MCF2L2: variants seen among roughly 807,000 people sequenced by gnomAD.
MCF2L2 encodes probable guanine nucleotide exchange factor MCF2L2.
MCF2L2 carries 102 observed loss-of-function variants against 150.2 expected under a neutral mutation model. That is an observed-to-expected ratio of 0.68 (90% CI 0.58 to 0.80). MCF2L2 has a LOEUF of 0.80. MCF2L2 is among the 30% of genes least tolerant of loss of function. The pLI, the probability that MCF2L2 is intolerant of heterozygous loss-of-function variation, is 0.00. For synonymous variants in MCF2L2, 465 were observed against 491.3 expected (o/e 0.95, Z 0.71); for missense variants, 1,256 against 1,372.8 (o/e 0.91, Z 1.34).
At chr3:183,418,066 T>C (rs1299674756) in intron 1 of MCF2L2, among the ~76,000 whole-genome samples, 1 of 152,102 alleles carries the variant, frequency 6.6e-6, no homozygotes, top group African/African-American at 2.4e-5. Context: ...TGCGCACCTA[T>C]AGTCCCAGCT....
chr3:183,182,305 C>T (rs889900689), intron 27 of MCF2L2, among the ~76,000 whole-genome samples: 49 of 151,972 alleles, frequency 3.2e-4, no homozygotes, highest in Non-Finnish European at 4.7e-4. Flanking sequence ...CCAGTGACAG[C>T]AGGAGCTCCG....
chr3:183,340,832 A>G (rs940793941), intron 4 of MCF2L2, among the ~76,000 whole-genome samples: 2 of 152,176 alleles, frequency 1.3e-5, no homozygotes, highest in African/African-American at 4.8e-5. Context: ...AATCTCAGCT[A>G]CTTGGGAGGC....
At chr3:183,339,757 T>C (rs978455006) in intron 4 of MCF2L2, among the ~76,000 whole-genome samples, 4 of 152,006 alleles carry the variant, frequency 2.6e-5, no homozygotes, top group South Asian at 2.1e-4. Context: ...CAACCTCCTA[T>C]GGGGATTTTT....
chr3:183,185,167 C>T (rs948964267), intron 27 of MCF2L2, among the ~76,000 whole-genome samples: 6 of 152,242 alleles, frequency 3.9e-5, no homozygotes, highest in African/African-American at 1.2e-4. Flanking sequence ...ATCCGCCCAC[C>T]TTGGCCTTCC....
intron 5 of MCF2L2, among the ~76,000 whole-genome samples, chr3:183,326,765 G>T (rs1426596328): frequency 1.3e-5 from 2 of 151,960 alleles, no homozygotes; most frequent in African/African-American, 4.8e-5. Context: ...GTACCCACCA[G>T]TACAAGCAAG....
chr3:183,294,555 G>GTA (rs1341537515), intron 13 of MCF2L2, among the ~76,000 whole-genome samples: 14 of 147,916 alleles, frequency 9.5e-5, no homozygotes, highest in African/African-American at 3.5e-4. Flanking sequence ...ATATGTATGT[G>GTA]TGTGTGTGTG....
chr3:183,278,113 G>A (rs181954041), intron 14 of MCF2L2, among the ~76,000 whole-genome samples: 3,895 of 151,672 alleles, frequency 0.026, 174 homozygotes, highest in African/African-American at 0.087. Context: ...GAGCCTGGGA[G>A]GCAGAGGTTG....
At chr3:183,191,379 C>T (rs1440268138) in intron 27 of MCF2L2, among the ~76,000 whole-genome samples, 1 of 152,198 alleles carries the variant, frequency 6.6e-6, no homozygotes, top group African/African-American at 2.4e-5. Context: ...TCATGGTTCA[C>T]TTTGGCTGTT....
At chr3:183,401,521 C>T (rs772254387) in intron 1 of MCF2L2, among the ~76,000 whole-genome samples, 2 of 152,096 alleles carry the variant, frequency 1.3e-5, no homozygotes, top group Admixed American at 6.6e-5. Context: ...CAAAAGAATA[C>T]ATCCATGTAA....
intron 3 of MCF2L2, among the ~76,000 whole-genome samples, chr3:183,357,652 G>GT (rs901733393): frequency 6.6e-6 from 1 of 152,126 alleles, no homozygotes; most frequent in African/African-American, 2.4e-5. Context: ...CAGCTGCAGT[G>GT]TATCTTTTCC....
chr3:183,202,159 C>T (rs371791521), intron 25 of MCF2L2, among the ~76,000 whole-genome samples: 1 of 152,134 alleles, frequency 6.6e-6, no homozygotes, highest in East Asian at 1.9e-4. Flanking sequence ...TTTGATCTGT[C>T]CACGGGTTTC....
At chr3:183,192,007 ATT>A (rs768700058) in intron 27 of MCF2L2, among the ~76,000 whole-genome samples, 5 of 137,102 alleles carry the variant, frequency 3.6e-5, no homozygotes, top group African/African-American at 2.7e-5. Flanking sequence ...AGCGCAGCTA[ATT>A]TTTTTTTTTT....
chr3:183,363,262 C>T (rs1418177456), intron 3 of MCF2L2, among the ~76,000 whole-genome samples: 1 of 152,154 alleles, frequency 6.6e-6, no homozygotes, highest in Non-Finnish European at 1.5e-5. Context: ...CATGCTCTTA[C>T]CATAACAAAA....
chr3:183,380,509 C>T (rs1713460236), intron 2 of MCF2L2, among the ~76,000 whole-genome samples: 1 of 152,182 alleles, frequency 6.6e-6, no homozygotes, highest in African/African-American at 2.4e-5. Context: ...TCAAGCGATT[C>T]TCCTGCCTCA....
chr3:183,347,492 G>A (rs987939718), intron 3 of MCF2L2, among the ~76,000 whole-genome samples: 4 of 152,008 alleles, frequency 2.6e-5, no homozygotes, highest in African/African-American at 9.7e-5. Flanking sequence ...GGACATAGGC[G>A]TGGCAAAGAC....
At chr3:183,255,807 TAAA>T (rs543086878) in intron 15 of MCF2L2, among the ~76,000 whole-genome samples, 5 of 134,390 alleles carry the variant, frequency 3.7e-5, no homozygotes, top group Non-Finnish European at 4.9e-5. Flanking sequence ...GGTGAGATTG[TAAA>T]AAAAAAAAAA....
intron 3 of MCF2L2, chr3:183,378,928 G>T: frequency 6.2e-6 from 1 of 160,630 alleles, no homozygotes; most frequent in Non-Finnish European, 1.3e-5. Context: ...AGTGAGCCAA[G>T]ATCGTGCCAC....
chr3:183,270,569 C>G lies in MCF2L2; in HGVS notation c.1862+6303G>C, dbSNP rs1339217787. On this transcript the variant is annotated intron_variant, in intron 15 of 29. Transcript: ENST00000328913. The surrounding 1 kb of genome is among the most constrained non-coding windows in gnomAD (Gnocchi z 4.5). ...ACCCTGACTACACAGCCGGAGCTGCCTATGTAATCTCCGGTGATGTAGCTG... is the reference window on the plus strand; with the variant it reads ...ACCCTGACTACACAGCCGGAGCTGCGTATGTAATCTCCGGTGATGTAGCTG... 10 of 1,614,064 alleles carry G rather than the reference C, an allele frequency of 6.2e-6. No individual in the cohort carries two copies. Among genetic ancestry groups the G allele is most frequent in the African/African-American group, 5.3e-5 (4 of 74,916 alleles).
intron 10 of MCF2L2, among the ~76,000 whole-genome samples, chr3:183,302,634 C>T (rs1728910589): frequency 6.6e-6 from 1 of 152,162 alleles, no homozygotes. Context: ...CATTAAGGGG[C>T]TGCTGCAGGA....
Sources: allele counts gnomAD v4.1 joint callset (sites outside exome capture counted in the v4.1 genomes callset), GRCh38; gene constraint gnomAD v4.1.1; non-coding constraint Gnocchi (gnomAD v3.1); transcripts MANE v1.5; gene names NCBI Gene and HGNC (gene_info 2026-07-23, HGNC 2026-07-21).